OSMR: variants seen among roughly 807,000 people sequenced by gnomAD.
The protein encoded by OSMR is oncostatin-M-specific receptor subunit beta.
In OSMR, 81 loss-of-function variants were observed where a neutral mutation model predicts 99.9. The ratio of observed to expected loss-of-function variants is 0.81; its 90% CI spans 0.68 to 0.97. The LOEUF (loss-of-function observed/expected upper bound fraction) is 0.97. Ranked by LOEUF, OSMR falls within the 50% of genes least tolerant of loss-of-function variation. The probability of loss-of-function intolerance (pLI) is 0.00; values close to 1 mark genes in which losing one functional copy is unlikely to be tolerated. For synonymous variants in OSMR, 406 were observed against 410.4 expected, an observed-to-expected ratio of 0.99 and a Z score of 0.13; for missense variants, 1,099 against 1,153.4, an observed-to-expected ratio of 0.95 and a Z score of 0.68.
chr5:38,857,211 A>G (rs548564601), intron 1 of OSMR, among the ~76,000 whole-genome samples: 1 of 152,346 alleles, frequency 6.6e-6, no homozygotes, highest in Admixed American at 6.5e-5. Context: ...TCCTTTTTAA[A>G]AAACATTTGG....
At chr5:38,864,211 C>CG (rs1260530193) in intron 1 of OSMR, among the ~76,000 whole-genome samples, 1 of 152,056 alleles carries the variant, frequency 6.6e-6, no homozygotes, top group Non-Finnish European at 1.5e-5. Flanking sequence ...TTTTGTCATC[C>CG]TGTTTTTTGG....
intron 9 of OSMR, among the ~76,000 whole-genome samples, chr5:38,908,852 G>T (rs1038254131): frequency 2.9e-4 from 44 of 152,138 alleles, no homozygotes; most frequent in African/African-American, 1.0e-3. Flanking sequence ...GAACTCAGTG[G>T]CAACTCAAAA....
chr5:38,900,255 A>G (rs569027663), intron 7 of OSMR, among the ~76,000 whole-genome samples: 1 of 152,288 alleles, frequency 6.6e-6, no homozygotes, highest in South Asian at 2.1e-4. Flanking sequence ...TCCTAAGTGC[A>G]CAGAGGTTCT....
chr5:38,867,412 A>G (rs1324244109), intron 1 of OSMR, among the ~76,000 whole-genome samples: 1 of 152,224 alleles, frequency 6.6e-6, no homozygotes, highest in African/African-American at 2.4e-5. Flanking sequence ...TATCTGGTTT[A>G]CTGAATCGCT....
intron 1 of OSMR, among the ~76,000 whole-genome samples, chr5:38,861,575 C>A (rs894488562): frequency 2.6e-5 from 4 of 152,260 alleles, no homozygotes; most frequent in Non-Finnish European, 4.4e-5. Context: ...ACCTTTCCCC[C>A]CTCTCTATTC....
chr5:38,932,770 G>A, intron 17 of OSMR, 102 bp from the exon 18 acceptor site: 1 of 1,558,182 alleles, frequency 6.4e-7, no homozygotes, highest in Non-Finnish European at 8.7e-7. Flanking sequence ...GAAACATGAA[G>A]AACATTGAAG....
At chr5:38,926,068 C>A (rs6892496) in intron 15 of OSMR, among the ~76,000 whole-genome samples, 2,836 of 152,260 alleles carry the variant, frequency 0.019, 56 homozygotes, top group African/African-American at 0.052. Flanking sequence ...CAAACCCTGA[C>A]AACCAATAAA....
At chr5:38,943,684 A>G (rs1747850465) in intron 1 of OSMR, among the ~76,000 whole-genome samples, 1 of 152,072 alleles carries the variant, frequency 6.6e-6, no homozygotes, top group African/African-American at 2.4e-5. Flanking sequence ...GTGGTGGTAC[A>G]CACCTGTAAT....
intron 9 of OSMR, among the ~76,000 whole-genome samples, chr5:38,913,681 A>G (rs1177919685): frequency 6.6e-6 from 1 of 152,196 alleles, no homozygotes; most frequent in Non-Finnish European, 1.5e-5. Flanking sequence ...ACAATGAGAC[A>G]CCATCTCACA....
intron 3 of OSMR, among the ~76,000 whole-genome samples, chr5:38,877,310 A>ACAAGTCACTAATTTTAACATCTT (rs1742916261): frequency 6.6e-6 from 1 of 152,204 alleles, no homozygotes; most frequent in Non-Finnish European, 1.5e-5. Flanking sequence ...GGTAAGGCAT[A>ACAAGTCACTAATTTTAACATCTT]CAAGTCACTA....
At chr5:38,914,613 G>A (rs1322514450) in intron 9 of OSMR, among the ~76,000 whole-genome samples, 1 of 152,152 alleles carries the variant, frequency 6.6e-6, no homozygotes, top group Admixed American at 6.5e-5. Context: ...GCCCATCAAT[G>A]ATGGATTGGA....
intron 3 of OSMR, among the ~76,000 whole-genome samples, chr5:38,877,799 A>G (rs1299482527): frequency 6.6e-6 from 1 of 152,198 alleles, no homozygotes; most frequent in Non-Finnish European, 1.5e-5. Flanking sequence ...ATCTATTATT[A>G]TGTTACAAAA....
chr5:38,882,037 T>G (rs1017330384), intron 4 of OSMR, among the ~76,000 whole-genome samples: 3 of 152,238 alleles, frequency 2.0e-5, no homozygotes, highest in African/African-American at 7.2e-5. Flanking sequence ...TTGTGTATTA[T>G]AAATGCTAAG....
chr5:38,892,555 C>T (rs187980753), intron 7 of OSMR, among the ~76,000 whole-genome samples: 127 of 152,282 alleles, frequency 8.3e-4, no homozygotes, highest in East Asian at 3.9e-4. Context: ...CCAACACCAC[C>T]GTAACCAACA....
At chr5:38,885,942 AC>A in intron 6 of OSMR, 96 bp from the exon 7 acceptor site, 11 of 1,530,770 alleles carry the variant, frequency 7.2e-6, no homozygotes, top group Non-Finnish European at 9.6e-6. Context: ...ACATAGTTTG[AC>A]AGTCACTGAG....
chr5:38,941,928 A>C, intron 1 of OSMR: 1 of 236,816 alleles, frequency 4.2e-6, no homozygotes, highest in East Asian at 6.0e-5. Flanking sequence ...CCTAAAAATC[A>C]TTCAGAAATA....
chr5:38,866,081 G>T (rs553900504), intron 1 of OSMR, among the ~76,000 whole-genome samples: 2 of 152,288 alleles, frequency 1.3e-5, no homozygotes, highest in South Asian at 2.1e-4. Context: ...GCTGGGGGAG[G>T]CCTGTCCTCA....
Position 38,935,557 on chromosome 5 carries a change from AGTTTT to A in OSMR, c.*2118_*2122del, listed in dbSNP as rs770745452. On this transcript the variant is annotated 3_prime_UTR_variant, in exon 18 of 18. Coordinates refer to ENST00000274276, the MANE Select transcript of OSMR (RefSeq NM_003999.3). ...ACTGATTTGTACATATTTTTCATAT[AGTTTT>A]GTTTAAAAAATAATTCACGCAAAAT... is the stretch of plus-strand genomic sequence containing the variant. 1.6e-4 allele frequency: 25 copies of A among 152,338 alleles called. No individual in the cohort carries two copies. Among genetic ancestry groups the A allele is most frequent in the Non-Finnish European group, 2.8e-4 (19 of 68,024 alleles). 9.4% of individuals were successfully genotyped at this position (152,338 alleles called of 1,614,324 possible).
intron 2 of OSMR, chr5:38,944,632 T>C (rs1027698054): frequency 1.4e-6 from 2 of 1,388,244 alleles, no homozygotes; most frequent in Admixed American, 4.6e-5. Context: ...TTAAAACTCA[T>C]GAAATTTATT....
Sources: gnomAD v4.1 joint callset for allele counts (sites outside exome capture counted in the v4.1 genomes callset) on GRCh38, gnomAD v4.1.1 for gene constraint, MANE v1.5 for transcripts, NCBI Gene and HGNC (gene_info 2026-07-23, HGNC 2026-07-21) for gene names.